The following MAGI2 variants were observed in gnomAD, a reference collection of about 807,000 sequenced individuals.
MAGI2 encodes membrane-associated guanylate kinase, WW and PDZ domain-containing protein 2.
In MAGI2, 35 loss-of-function variants were observed where a neutral mutation model predicts 133.3. The observed-to-expected ratio is 0.26, with a 90% confidence interval of 0.20 to 0.35. The LOEUF (loss-of-function observed/expected upper bound fraction) is 0.35, where lower values mean the gene tolerates loss of function less well. Among genes scored for constraint, MAGI2 ranks in the 10% least tolerant of loss-of-function variants. The pLI is 1.00. For missense variants in MAGI2, 1,636 were observed against 1,863.4 expected (o/e 0.88, Z 2.25); for synonymous variants, 729 against 710.6 (o/e 1.03, Z -0.41).
At chr7:79,303,787 A>G (rs1325295843) in intron 1 of MAGI2, among the ~76,000 whole-genome samples, 1 of 152,162 alleles carries the variant, frequency 6.6e-6, no homozygotes, top group African/African-American at 2.4e-5. Context: ...ACAAGACCTT[A>G]TATTGTTTAT....
intron 3 of MAGI2, among the ~76,000 whole-genome samples, chr7:78,555,333 G>A (rs1799728849): frequency 6.6e-6 from 1 of 151,758 alleles, no homozygotes; most frequent in Non-Finnish European, 1.5e-5. Context: ...AGAGGGTGGA[G>A]GAATATCTTT....
At chr7:78,729,248 T>A (rs1821134103) in intron 2 of MAGI2, among the ~76,000 whole-genome samples, 1 of 152,208 alleles carries the variant, frequency 6.6e-6, no homozygotes, top group Non-Finnish European at 1.5e-5. Flanking sequence ...TTACTCCCAG[T>A]CATTTTAAAG....
At chr7:79,346,841 C>T (rs1841354064) in intron 1 of MAGI2, among the ~76,000 whole-genome samples, 1 of 151,980 alleles carries the variant, frequency 6.6e-6, no homozygotes, top group Admixed American at 6.6e-5. Context: ...TTCGTTCACA[C>T]AATTACACAA....
At chr7:78,863,570 C>G (rs1192765247) in intron 2 of MAGI2, among the ~76,000 whole-genome samples, 1 of 152,228 alleles carries the variant, frequency 6.6e-6, no homozygotes, top group African/African-American at 2.4e-5. Context: ...CAAATGCCTG[C>G]CATTAGGCCC....
intron 15 of MAGI2, among the ~76,000 whole-genome samples, chr7:78,162,312 T>G (rs1056793671): frequency 6.8e-6 from 1 of 146,498 alleles, no homozygotes; most frequent in Admixed American, 6.9e-5. Context: ...GATCACGAGG[T>G]CAGGAGATCG....
chr7:79,331,158 C>T (rs759932033), intron 1 of MAGI2, among the ~76,000 whole-genome samples: 1 of 152,110 alleles, frequency 6.6e-6, no homozygotes, highest in African/African-American at 2.4e-5. Flanking sequence ...AAGTTCTTAT[C>T]CTTTCCATTT....
Position 79,282,625 on chromosome 7 carries a change from A to G in MAGI2, c.301+170395T>C, listed in dbSNP as rs532084718. Among the ~76,000 whole-genome samples the G allele has an allele frequency of 3.9e-5, 6 of 152,172 alleles. No homozygotes were observed. The South Asian group carries it at 8.3e-4, about 21-fold the overall frequency. ...AAAGAAGACAAGGGAATAGAAAAAA[A>G]TCATAAGGAGGAGAACCCTTACTGT... On this transcript the variant is annotated intron_variant, in intron 1 of 21. Transcript: ENST00000354212.
At chr7:78,235,812 G>C (rs1005083652) in intron 10 of MAGI2, among the ~76,000 whole-genome samples, 1 of 152,012 alleles carries the variant, frequency 6.6e-6, no homozygotes, top group African/African-American at 2.4e-5. Context: ...TTGTAACTAA[G>C]CCTGTGAATC....
At chr7:79,377,475 A>T (rs1281529949) in intron 1 of MAGI2, among the ~76,000 whole-genome samples, 2 of 151,880 alleles carry the variant, frequency 1.3e-5, no homozygotes, top group Admixed American at 6.6e-5. Flanking sequence ...TATCAAAATC[A>T]ATAATGATAC....
chr7:78,687,856 G>C (rs1228422520), intron 2 of MAGI2, among the ~76,000 whole-genome samples: 1 of 151,282 alleles, frequency 6.6e-6, no homozygotes, highest in East Asian at 1.9e-4. Flanking sequence ...TGTAGTCCCA[G>C]CTACTCGGGA....
At chr7:79,111,267 T>G (rs1818903789) in intron 1 of MAGI2, among the ~76,000 whole-genome samples, 1 of 152,230 alleles carries the variant, frequency 6.6e-6, no homozygotes, top group South Asian at 2.1e-4. Context: ...TATTTTAACT[T>G]GATTTGAAAC....
At chr7:78,783,011 CCTT>C (rs1388451683) in intron 2 of MAGI2, among the ~76,000 whole-genome samples, 2 of 123,698 alleles carry the variant, frequency 1.6e-5, no homozygotes, top group African/African-American at 6.3e-5. Flanking sequence ...ATGATTCTTA[CCTT>C]TTTTTTTTTT....
At chr7:78,954,913 A>G (rs1769300398) in intron 2 of MAGI2, among the ~76,000 whole-genome samples, 1 of 152,166 alleles carries the variant, frequency 6.6e-6, no homozygotes, top group Non-Finnish European at 1.5e-5. Flanking sequence ...TATAGATGTG[A>G]GTTTTAAGAA....
At chr7:79,343,751 T>G (rs1841089231) in intron 1 of MAGI2, among the ~76,000 whole-genome samples, 1 of 152,186 alleles carries the variant, frequency 6.6e-6, no homozygotes, top group Admixed American at 6.5e-5. Context: ...TTTTTAGTTT[T>G]CATTTTCAAT....
At chr7:78,787,034 C>T (rs1826884114) in intron 2 of MAGI2, among the ~76,000 whole-genome samples, 1 of 151,878 alleles carries the variant, frequency 6.6e-6, no homozygotes, top group Non-Finnish European at 1.5e-5. Flanking sequence ...ACTGCAACCT[C>T]CGACTCTGGT....
At chr7:79,097,776 A>T (rs915694288) in intron 1 of MAGI2, among the ~76,000 whole-genome samples, 1 of 152,198 alleles carries the variant, frequency 6.6e-6, no homozygotes, top group Non-Finnish European at 1.5e-5. Context: ...GGGACATTTT[A>T]TCTACATAAG....
At chr7:78,472,482 T>A (rs1432931096) in intron 6 of MAGI2, among the ~76,000 whole-genome samples, 1 of 152,116 alleles carries the variant, frequency 6.6e-6, no homozygotes, top group Non-Finnish European at 1.5e-5. Flanking sequence ...CCAATGAACA[T>A]CTTTTTTAAT....
chr7:78,132,362 G>A (rs1821650322), intron 18 of MAGI2, among the ~76,000 whole-genome samples: 1 of 152,160 alleles, frequency 6.6e-6, no homozygotes, highest in Admixed American at 6.5e-5. Flanking sequence ...TTCTTATAAA[G>A]CAAATCCAAT....
Position 78,933,588 on chromosome 7 carries a change from C to T in MAGI2, c.418+73502G>A, listed in dbSNP as rs1584434930. Among the ~76,000 whole-genome samples, 4 of 152,180 alleles carry T rather than the reference C, an allele frequency of 2.6e-5. 1 individual carries two copies. Among genetic ancestry groups the T allele is most frequent in the Admixed American group, 2.6e-4 (4 of 15,270 alleles). ...AGAGAAATTTTTCTGTAATGAGGTTCCAGCTGCTCATTCATTGACCAATAG... is the reference window on the plus strand; with the variant it reads ...AGAGAAATTTTTCTGTAATGAGGTTTCAGCTGCTCATTCATTGACCAATAG... On this transcript the variant is annotated intron_variant, in intron 2 of 21. Coordinates refer to ENST00000354212, the MANE Select transcript of MAGI2 (RefSeq NM_012301.4).
Sources: allele counts gnomAD v4.1 joint callset (sites outside exome capture counted in the v4.1 genomes callset), GRCh38; gene constraint gnomAD v4.1.1; transcripts MANE v1.5; gene names NCBI Gene and HGNC (gene_info 2026-07-23, HGNC 2026-07-21).